The following SDCCAG8 variants were observed in gnomAD, a reference collection of about 807,000 sequenced individuals.
The protein encoded by SDCCAG8 is serologically defined colon cancer antigen 8.
A neutral mutation model predicts 101.8 loss-of-function variants in SDCCAG8; 74 were observed. That is an observed-to-expected ratio of 0.73 (90% CI 0.60 to 0.88). The LOEUF (loss-of-function observed/expected upper bound fraction) is 0.88. Ranked by LOEUF, SDCCAG8 falls within the 40% of genes least tolerant of loss-of-function variation. The pLI is 0.00. For synonymous variants in SDCCAG8, 281 were observed against 292.9 expected (o/e 0.96, Z 0.41); for missense variants, 787 against 822.6 (o/e 0.96, Z 0.53).
rs1161443251 is a variant in SDCCAG8 at position 243,348,187 on chromosome 1, G to C, written c.1473+3856G>C. Among the ~76,000 whole-genome samples, 44 of 146,334 alleles carry C rather than the reference G, an allele frequency of 3.0e-4. 1 individual carries two copies. Among genetic ancestry groups the C allele is most frequent in the Admixed American group, 2.4e-3 (35 of 14,410 alleles). ...AGTAGCTGGGACCACAGGCGCCCAC[G>C]ACCACGCCCGGCTAATTTTTTTTTT... On this transcript the variant is annotated intron_variant, in intron 12 of 17. Transcript: ENST00000366541.
chr1:243,459,329 TCA>T (rs1658549572), intron 16 of SDCCAG8, among the ~76,000 whole-genome samples: 1 of 152,220 alleles, frequency 6.6e-6, no homozygotes, highest in Non-Finnish European at 1.5e-5. Context: ...GCTTGTGCTC[TCA>T]CTGAAAGTTC....
chr1:243,336,584 A>G (rs2075027842), intron 10 of SDCCAG8, among the ~76,000 whole-genome samples: 1 of 152,092 alleles, frequency 6.6e-6, no homozygotes. Context: ...GAAGCGCTAC[A>G]CACTTTTAAA....
chr1:243,265,788 G>A (rs1356501394), intron 1 of SDCCAG8, among the ~76,000 whole-genome samples: 2 of 151,984 alleles, frequency 1.3e-5, no homozygotes, highest in Non-Finnish European at 2.9e-5. Flanking sequence ...ACTCCAGCCT[G>A]GGGACAACAG....
chr1:243,395,277 A>G (rs1431671463), intron 13 of SDCCAG8, among the ~76,000 whole-genome samples: 1 of 152,236 alleles, frequency 6.6e-6, no homozygotes, highest in African/African-American at 2.4e-5. Context: ...TCTTTCTTTT[A>G]TACAGCAAAT....
chr1:243,339,316 G>A (rs571652331), intron 10 of SDCCAG8, among the ~76,000 whole-genome samples: 1 of 152,228 alleles, frequency 6.6e-6, no homozygotes, highest in South Asian at 2.1e-4. Context: ...ACATAAATAA[G>A]TAAAATATGA....
At chr1:243,366,106 A>G (rs1190074441) in intron 12 of SDCCAG8, among the ~76,000 whole-genome samples, 1 of 152,122 alleles carries the variant, frequency 6.6e-6, no homozygotes, top group African/African-American at 2.4e-5. Context: ...GATATTTTCT[A>G]AACTTGAAGT....
chr1:243,369,531 T>G (rs1005162562), intron 12 of SDCCAG8, among the ~76,000 whole-genome samples: 1 of 152,164 alleles, frequency 6.6e-6, no homozygotes, highest in Non-Finnish European at 1.5e-5. Context: ...ATGAACCATC[T>G]GATTTTATGA....
chr1:243,348,060 G>A (rs1393589407), intron 12 of SDCCAG8, among the ~76,000 whole-genome samples: 2 of 138,998 alleles, frequency 1.4e-5, no homozygotes, highest in East Asian at 4.1e-4. Context: ...TTTTAGGACG[G>A]AGTCTCCCTC....
intron 1 of SDCCAG8, chr1:243,267,519 T>A (rs2067717043): frequency 2.5e-6 from 1 of 392,170 alleles, no homozygotes; most frequent in African/African-American, 2.1e-5. Context: ...GGAGAATCGC[T>A]TGAACCCGAG....
chr1:243,338,011 A>G (rs936951542), intron 10 of SDCCAG8, among the ~76,000 whole-genome samples: 6 of 151,980 alleles, frequency 3.9e-5, no homozygotes, highest in African/African-American at 1.2e-4. Context: ...TCCTCAAACT[A>G]CTTGGCTCAA....
intron 12 of SDCCAG8, among the ~76,000 whole-genome samples, chr1:243,356,218 G>C (rs2076370474): frequency 6.6e-6 from 1 of 152,100 alleles, no homozygotes; most frequent in Non-Finnish European, 1.5e-5. Context: ...TCTATATGTA[G>C]ATATATAGCT....
chr1:243,387,829 T>C (rs931972085), intron 13 of SDCCAG8, among the ~76,000 whole-genome samples: 6 of 152,218 alleles, frequency 3.9e-5, no homozygotes, highest in African/African-American at 1.2e-4. Context: ...AATTCTCGTG[T>C]CTCACCCTCC....
At chr1:243,329,924 T>G (rs903474311) in intron 9 of SDCCAG8, among the ~76,000 whole-genome samples, 9 of 152,320 alleles carry the variant, frequency 5.9e-5, no homozygotes, top group African/African-American at 1.9e-4. Flanking sequence ...AACTAAGTAG[T>G]GAATACTGTC....
At chr1:243,261,858 CTTT>C (rs371602212) in intron 1 of SDCCAG8, among the ~76,000 whole-genome samples, 11 of 136,362 alleles carry the variant, frequency 8.1e-5, no homozygotes, top group African/African-American at 8.0e-5. Context: ...TTTTCTTTTT[CTTT>C]TTTTTTTTTT....
In SDCCAG8 at chr1:243,394,866, C is replaced by T. The variant is rs377067611; in HGVS notation, c.1616+16003C>T. 7.9e-5 allele frequency among the ~76,000 whole-genome samples: 12 copies of T among 151,436 alleles called. No homozygotes were observed. In the East Asian group the frequency reaches 1.7e-3, roughly 22 times the overall value. On this transcript the variant is annotated intron_variant, in intron 13 of 17. Transcript: ENST00000366541. ...CTCTTTTTCTGTTTTTTTTTTTTCC[C>T]CTGTAAAATTTGTGTTTCAGGTGTT...
intron 1 of SDCCAG8, among the ~76,000 whole-genome samples, chr1:243,261,182 T>C (rs1018387905): frequency 1.3e-5 from 2 of 152,196 alleles, no homozygotes; most frequent in African/African-American, 4.8e-5. Flanking sequence ...TTCCTTTTTT[T>C]TCTTCTCTCT....
At chr1:243,411,791 C>T (rs964655520) in intron 13 of SDCCAG8, among the ~76,000 whole-genome samples, 1 of 152,170 alleles carries the variant, frequency 6.6e-6, no homozygotes, top group African/African-American at 2.4e-5. Flanking sequence ...CCTTCCTAGC[C>T]ATGGTTAGAC....
At chr1:243,261,858 C>CTTTTT (rs371602212) in intron 1 of SDCCAG8, among the ~76,000 whole-genome samples, 3 of 136,366 alleles carry the variant, frequency 2.2e-5, no homozygotes, top group East Asian at 2.2e-4. Flanking sequence ...TTTTCTTTTT[C>CTTTTT]TTTTTTTTTT....
At chr1:243,428,907 C>T (rs934963592) in intron 16 of SDCCAG8, among the ~76,000 whole-genome samples, 3 of 152,336 alleles carry the variant, frequency 2.0e-5, no homozygotes, top group East Asian at 1.9e-4. Context: ...TGGACTAAAT[C>T]GTCTGCATGT....
Sources: allele counts gnomAD v4.1 joint callset (sites outside exome capture counted in the v4.1 genomes callset), GRCh38; gene constraint gnomAD v4.1.1; transcripts MANE v1.5; gene names NCBI Gene and HGNC (gene_info 2026-07-23, HGNC 2026-07-21).